RBMS3: variants seen among roughly 807,000 people sequenced by gnomAD.
The protein encoded by RBMS3 is RNA binding motif single stranded interacting protein 3.
Under a neutral mutation model 66.8 loss-of-function variants are expected in RBMS3, and 27 were observed. The observed-to-expected ratio is 0.40, with a 90% CI of 0.30 to 0.56. The LOEUF (loss-of-function observed/expected upper bound fraction) is 0.56. Ranked by LOEUF, RBMS3 falls within the 20% of genes least tolerant of loss-of-function variation. RBMS3 has a pLI of 0.40. For synonymous variants in RBMS3, 188 were observed against 183.0 expected, an observed-to-expected ratio of 1.03 and a Z score of -0.22; for missense variants, 513 against 549.5, an observed-to-expected ratio of 0.93 and a Z score of 0.66.
chr3:29,558,922 A>G (rs189920012), intron 3 of RBMS3, among the ~76,000 whole-genome samples: 40 of 152,306 alleles, frequency 2.6e-4, no homozygotes, highest in African/African-American at 9.1e-4. Context: ...GAAATGTTCC[A>G]CTGCAGTGGA....
At chr3:29,499,002 G>A (rs1001731700) in intron 3 of RBMS3, among the ~76,000 whole-genome samples, 1 of 152,100 alleles carries the variant, frequency 6.6e-6, no homozygotes, top group South Asian at 2.1e-4. Flanking sequence ...AGATTTTTTA[G>A]GGCCTATAAA....
intron 2 of RBMS3, among the ~76,000 whole-genome samples, chr3:29,438,821 ATAT>A (rs2041498816): frequency 6.6e-6 from 1 of 152,190 alleles, no homozygotes; most frequent in African/African-American, 2.4e-5. Flanking sequence ...TAAAGGAGAA[ATAT>A]TATATTCTAC....
chr3:29,647,207 G>A (rs1463115894), intron 4 of RBMS3, among the ~76,000 whole-genome samples: 1 of 152,164 alleles, frequency 6.6e-6, no homozygotes, highest in African/African-American at 2.4e-5. Context: ...TCGAACTCCT[G>A]ACCTCAGGTG....
chr3:29,429,443 A>T (rs922165885), intron 1 of RBMS3, among the ~76,000 whole-genome samples: 3 of 152,164 alleles, frequency 2.0e-5, no homozygotes, highest in African/African-American at 7.2e-5. Context: ...TCCCTAACAG[A>T]ACCTTCCAGC....
At chr3:29,427,160 GAA>G (rs2125711350) in intron 1 of RBMS3, among the ~76,000 whole-genome samples, 1 of 152,276 alleles carries the variant, frequency 6.6e-6, no homozygotes, top group East Asian at 1.9e-4. Context: ...CTTTGGGTAG[GAA>G]AAGAGAAGTA....
chr3:29,754,672 G>C (rs971879789), intron 5 of RBMS3, among the ~76,000 whole-genome samples: 1 of 152,160 alleles, frequency 6.6e-6, no homozygotes, highest in Non-Finnish European at 1.5e-5. Context: ...AAAGCTTGAA[G>C]ATGGCCACCC....
intron 4 of RBMS3, among the ~76,000 whole-genome samples, chr3:29,641,419 G>C (rs2149196848): frequency 6.6e-6 from 1 of 151,990 alleles, no homozygotes; most frequent in East Asian, 1.9e-4. Context: ...CATAATAATT[G>C]GTTTAGAATC....
chr3:29,340,112 G>C (rs2125535380), intron 1 of RBMS3, among the ~76,000 whole-genome samples: 1 of 152,252 alleles, frequency 6.6e-6, no homozygotes, highest in South Asian at 2.1e-4. Flanking sequence ...GCACATATAG[G>C]AAGATATTTT....
intron 6 of RBMS3, among the ~76,000 whole-genome samples, chr3:29,774,632 T>A (rs1261778401): frequency 2.6e-5 from 4 of 152,008 alleles, no homozygotes; most frequent in East Asian, 3.9e-4. Context: ...GTCTACAAGG[T>A]CAAAAATATT....
chr3:29,322,195 C>T (rs1004922451), intron 1 of RBMS3, among the ~76,000 whole-genome samples: 14 of 151,720 alleles, frequency 9.2e-5, no homozygotes, highest in African/African-American at 3.1e-4. Context: ...TACCGTCTGG[C>T]TTATTTGAGT....
intron 4 of RBMS3, among the ~76,000 whole-genome samples, chr3:29,596,095 A>G (rs1460327178): frequency 6.6e-6 from 1 of 152,234 alleles, no homozygotes; most frequent in Non-Finnish European, 1.5e-5. Context: ...ATAAGAAAGT[A>G]GAAGCAATGG....
chr3:29,690,363 T>C (rs1189060213), intron 4 of RBMS3, among the ~76,000 whole-genome samples: 2 of 152,112 alleles, frequency 1.3e-5, no homozygotes, highest in Non-Finnish European at 2.9e-5. Context: ...AGAAGGAGGA[T>C]TGCTTGAGCC....
intron 12 of RBMS3, among the ~76,000 whole-genome samples, chr3:29,958,683 T>G (rs1001458140): frequency 6.6e-6 from 1 of 152,332 alleles, no homozygotes; most frequent in Middle Eastern, 3.4e-3. Flanking sequence ...ATTTAGACTT[T>G]AAGTTCATTT....
At position 29,766,617 on chromosome 3, in the gene RBMS3, C is replaced by CT. The variant is rs1235211057; in HGVS notation, c.637+3635dup. On this transcript the variant is annotated intron_variant, in intron 6 of 14. Transcript: ENST00000383767. ...CTCCTCCTATTTATTCATAAAAGAT[C>CT]TTTTTTTAAATGAATACATCATGGA... The CT allele has an allele frequency of 2.0e-5, 3 of 151,966 alleles. No individual in the cohort carries two copies. In the South Asian group the frequency reaches 6.2e-4, roughly 32 times the overall value. The allele number at this position is 151,966 out of a possible 1,614,324, so 9.4% of individuals were successfully genotyped here.
At chr3:29,449,323 C>A (rs2041939412) in intron 2 of RBMS3, among the ~76,000 whole-genome samples, 1 of 152,110 alleles carries the variant, frequency 6.6e-6, no homozygotes, top group Non-Finnish European at 1.5e-5. Flanking sequence ...GTGTTATATC[C>A]TTTCTTACTT....
chr3:29,391,925 A>C (rs1376398068), intron 1 of RBMS3, among the ~76,000 whole-genome samples: 1 of 152,170 alleles, frequency 6.6e-6, no homozygotes, highest in Non-Finnish European at 1.5e-5. Flanking sequence ...ATAATAGAGG[A>C]ATTATAGCCA....
At chr3:29,945,152 C>T (rs1043474198) in intron 12 of RBMS3, among the ~76,000 whole-genome samples, 7 of 151,434 alleles carry the variant, frequency 4.6e-5, no homozygotes, top group Admixed American at 4.6e-4. Context: ...TCATAAAATA[C>T]AAAGAGAAAC....
intron 2 of RBMS3, among the ~76,000 whole-genome samples, chr3:29,436,044 T>G (rs796474647): frequency 3.9e-5 from 6 of 152,280 alleles, no homozygotes; most frequent in African/African-American, 1.4e-4. Context: ...CAAAATAATA[T>G]TAGAACATAT....
In RBMS3 at chr3:29,991,320, C is replaced by G. The variant is rs988468816; in HGVS notation, c.1307+111C>G. On this transcript the variant is annotated intron_variant, in intron 14 of 14. Transcript: ENST00000383767. ...GAAATATAAACCATCCCAAACTTAG[C>G]AACAGGCATTTATTTAGCTCATGAT... 4 of 1,519,642 alleles carry G rather than the reference C, an allele frequency of 2.6e-6. No homozygotes were observed. The African/African-American group carries it at 5.5e-5, about 21-fold the overall frequency. The allele number at this position is 1,519,642 out of a possible 1,614,324, so 94.1% of individuals were successfully genotyped here.
Sources: gnomAD v4.1 joint callset for allele counts (sites outside exome capture counted in the v4.1 genomes callset) on GRCh38, gnomAD v4.1.1 for gene constraint, MANE v1.5 for transcripts, NCBI Gene and HGNC (gene_info 2026-07-23, HGNC 2026-07-21) for gene names.